The following RANBP2 variants were observed in gnomAD, a reference collection of about 807,000 sequenced individuals.
The protein encoded by RANBP2 is E3 SUMO-protein ligase RanBP2.
In RANBP2, 57 loss-of-function variants were observed where a neutral mutation model predicts 303.6. The observed-to-expected ratio is 0.19, with a 90% confidence interval of 0.15 to 0.23. RANBP2 has a LOEUF of 0.23. Among genes scored for constraint, RANBP2 ranks in the 10% least tolerant of loss-of-function variants. The pLI, the probability that RANBP2 is intolerant of heterozygous loss-of-function variation, is 1.00. For synonymous variants in RANBP2, 1,167 were observed against 1,301.5 expected, an observed-to-expected ratio of 0.90 and a Z score of 2.23; for missense variants, 3,138 against 3,780.8, an observed-to-expected ratio of 0.83 and a Z score of 4.46.
chr2:108,788,138 G>T, downstream of RANBP2: 10 of 1,576,926 alleles, frequency 6.3e-6, no homozygotes, highest in Non-Finnish European at 8.6e-6. Context: ...TTAATTTGAG[G>T]CTGGGCGCGG....
the RANBP2 span, among the ~76,000 whole-genome samples, chr2:109,645,144 T>C: frequency 6.6e-6 from 1 of 152,236 alleles, no homozygotes; most frequent in African/African-American, 2.4e-5. Flanking sequence ...ACAGCACTTT[T>C]ATTTCTCAGG....
At chr2:109,763,398 T>C in the RANBP2 span, among the ~76,000 whole-genome samples, 1 of 150,160 alleles carries the variant, frequency 6.7e-6, no homozygotes, top group African/African-American at 2.4e-5. Context: ...GGGGCAGCCA[T>C]ATTTCAACCA....
chr2:109,623,623 A>G, the RANBP2 span, among the ~76,000 whole-genome samples: 2 of 152,306 alleles, frequency 1.3e-5, no homozygotes, highest in East Asian at 1.9e-4. Flanking sequence ...CCTAAAAGCT[A>G]TCCCACTCTG....
At chr2:109,351,446 C>G in the RANBP2 span, among the ~76,000 whole-genome samples, 2 of 152,248 alleles carry the variant, frequency 1.3e-5, no homozygotes, top group Non-Finnish European at 2.9e-5. Context: ...AGAATGTGAA[C>G]TACTCCATTG....
At chr2:108,770,374 A>T (rs1677415388) in intron 20 of RANBP2, among the ~76,000 whole-genome samples, 1 of 152,224 alleles carries the variant, frequency 6.6e-6, no homozygotes, top group Admixed American at 6.5e-5. Flanking sequence ...AATGAAGGAG[A>T]GGGACAAATT....
At chr2:108,722,688 G>C (rs1310621240) in intron 1 of RANBP2, among the ~76,000 whole-genome samples, 1 of 148,784 alleles carries the variant, frequency 6.7e-6, no homozygotes, top group South Asian at 2.1e-4. Flanking sequence ...TTGGGAGGCC[G>C]AGAGACCAGC....
the RANBP2 span, among the ~76,000 whole-genome samples, chr2:109,535,343 A>G: frequency 6.6e-6 from 1 of 152,146 alleles, no homozygotes; most frequent in African/African-American, 2.4e-5. Flanking sequence ...ACCAAGACCT[A>G]AAAATGCACC....
the RANBP2 span, among the ~76,000 whole-genome samples, chr2:109,709,082 C>A: frequency 2.6e-5 from 4 of 151,836 alleles, no homozygotes; most frequent in African/African-American, 9.7e-5. Flanking sequence ...GTGGGTGGAT[C>A]ACCTGAGGTC....
chr2:109,671,015 C>T, the RANBP2 span, among the ~76,000 whole-genome samples: 155 of 152,308 alleles, frequency 1.0e-3, no homozygotes, highest in Middle Eastern at 3.4e-3. Context: ...GGCTGGACTT[C>T]GGAGGGTGGG....
chr2:109,432,376 C>G, the RANBP2 span: 1 of 1,219,228 alleles, frequency 8.2e-7, no homozygotes, highest in Non-Finnish European at 1.1e-6. Context: ...TGCAGAGCCC[C>G]CATAGACTCT....
At chr2:109,036,413 A>G in the RANBP2 span, among the ~76,000 whole-genome samples, 1 of 152,204 alleles carries the variant, frequency 6.6e-6, no homozygotes, top group East Asian at 1.9e-4. Context: ...CACTATCTCT[A>G]TAAATTTAGA....
At chr2:109,137,249 T>C in the RANBP2 span, among the ~76,000 whole-genome samples, 10 of 152,234 alleles carry the variant, frequency 6.6e-5, no homozygotes, top group South Asian at 2.1e-4. Context: ...TTGTTTATTC[T>C]TCCATAGTCT....
At chr2:109,006,051 G>A in the RANBP2 span, among the ~76,000 whole-genome samples, 1 of 152,184 alleles carries the variant, frequency 6.6e-6, no homozygotes, top group African/African-American at 2.4e-5. Context: ...GCTTCCGTGG[G>A]TTCCATTGGC....
the RANBP2 span, among the ~76,000 whole-genome samples, chr2:109,487,193 C>T: frequency 6.6e-6 from 1 of 152,216 alleles, no homozygotes; most frequent in Non-Finnish European, 1.5e-5. Context: ...TTAACATAAT[C>T]TTTCAGCCCA....
At chr2:109,364,502 C>T in the RANBP2 span, among the ~76,000 whole-genome samples, 1 of 152,226 alleles carries the variant, frequency 6.6e-6, no homozygotes, top group Non-Finnish European at 1.5e-5. Flanking sequence ...TCTCTTCAAA[C>T]TGTGGGGTTT....
At chr2:108,991,442 A>AG in the RANBP2 span, among the ~76,000 whole-genome samples, 1 of 152,328 alleles carries the variant, frequency 6.6e-6, no homozygotes, top group African/African-American at 2.4e-5. Flanking sequence ...GGTTGGGTGA[A>AG]GGGGGTCTCC....
chr2:108,823,978 A>G, the RANBP2 span, among the ~76,000 whole-genome samples: 4 of 151,118 alleles, frequency 2.6e-5, no homozygotes, highest in South Asian at 8.6e-4. Context: ...CTGTCTCAAA[A>G]GAAAAAAAAG....
the RANBP2 span, among the ~76,000 whole-genome samples, chr2:109,471,559 A>G: frequency 6.6e-6 from 1 of 152,210 alleles, no homozygotes; most frequent in Non-Finnish European, 1.5e-5. Context: ...CACAGAGCCA[A>G]ACCATATCAG....
the RANBP2 span, among the ~76,000 whole-genome samples, chr2:109,540,135 T>C: frequency 8.5e-5 from 13 of 152,246 alleles, no homozygotes; most frequent in Non-Finnish European, 1.6e-4. Flanking sequence ...CTACCTTAAC[T>C]GTATTATGAT....
Sources: allele counts gnomAD v4.1 joint callset (sites outside exome capture counted in the v4.1 genomes callset), GRCh38; gene constraint gnomAD v4.1.1; transcripts MANE v1.5; gene names NCBI Gene and HGNC (gene_info 2026-07-23, HGNC 2026-07-21).